The following KIAA0513 variants were observed in gnomAD, a reference collection of about 807,000 sequenced individuals.
KIAA0513 encodes the protein KIAA0513.
A neutral mutation model predicts 56.5 loss-of-function variants in KIAA0513; 39 were observed. The observed-to-expected ratio is 0.69, with a 90% CI of 0.53 to 0.90. KIAA0513 has a LOEUF of 0.90. KIAA0513 is among the 40% of genes least tolerant of loss of function. The pLI is 0.00. For missense variants in KIAA0513, 591 were observed against 535.2 expected, an observed-to-expected ratio of 1.10 and a Z score of -1.03; for synonymous variants, 268 against 215.6, an observed-to-expected ratio of 1.24 and a Z score of -2.13.
chr16:85,043,401 A>ATTTT (rs761248323), intron 1 of KIAA0513, among the ~76,000 whole-genome samples: 6 of 77,920 alleles, frequency 7.7e-5, no homozygotes, highest in African/African-American at 1.1e-4. Context: ...TGCTTCTTGG[A>ATTTT]TTTTTTTTTT....
chr16:85,068,195 T>C (rs2073517609), intron 2 of KIAA0513, among the ~76,000 whole-genome samples: 1 of 142,878 alleles, frequency 7.0e-6, no homozygotes, highest in Admixed American at 6.9e-5. Context: ...CTCACACTGT[T>C]GCCCAGGCTG....
At chr16:85,085,727 G>A (rs2073800421) in intron 10 of KIAA0513, among the ~76,000 whole-genome samples, 1 of 152,220 alleles carries the variant, frequency 6.6e-6, no homozygotes, top group Non-Finnish European at 1.5e-5. Flanking sequence ...CCCTGGACAG[G>A]TGAGGGATTA....
chr16:85,075,758 G>A, intron 4 of KIAA0513, 86 bp from the exon 5 acceptor site: 1 of 1,136,506 alleles, frequency 8.8e-7, no homozygotes, highest in Non-Finnish European at 1.3e-6. Context: ...GGACGCATGT[G>A]TCAAGTGTCT....
Position 85,036,898 on chromosome 16 carries a change from A to G in KIAA0513, c.-173+9040A>G, listed in dbSNP as rs1481217928. Among the ~76,000 whole-genome samples, 3 of 152,166 alleles carry G rather than the reference A, an allele frequency of 2.0e-5. No homozygotes were observed. The South Asian group carries it at 6.2e-4, about 32-fold the overall frequency. The stretch of plus-strand genomic sequence containing the variant: ...GTGTGTCTGAGGCCCGCCTTGCTCA[A>G]TAGAGGAAGAACCTGACTTGAGAAA... On this transcript the variant is annotated intron_variant, in intron 1 of 12. Coordinates refer to ENST00000683363, the MANE Select transcript of KIAA0513 (RefSeq NM_001388359.1).
chr16:85,083,643 G>A (rs1190434036), intron 10 of KIAA0513, among the ~76,000 whole-genome samples: 1 of 152,204 alleles, frequency 6.6e-6, no homozygotes, highest in Non-Finnish European at 1.5e-5. Context: ...GAGCTCAGCT[G>A]AGGGGACAGC....
At chr16:85,073,083 C>T in intron 4 of KIAA0513, 85 bp downstream of exon 4, 2 of 1,149,424 alleles carry the variant, frequency 1.7e-6, no homozygotes, top group Non-Finnish European at 2.6e-6. Flanking sequence ...CGTGTCATAA[C>T]CCAGCTGTGA....
rs7199966 is a variant in KIAA0513 at position 85,093,055 on chromosome 16, C to G, written c.*4730C>G. 1 allele frequency: 152,135 copies of G among 152,514 alleles called. 75,879 individuals carry two copies. The highest frequency in any genetic ancestry group is 1 in the Middle Eastern group (298 of 298). The allele number at this position is 152,514 out of a possible 1,614,324, so 9.4% of individuals were successfully genotyped here. On this transcript the variant is annotated 3_prime_UTR_variant, in exon 13 of 13. Coordinates refer to ENST00000683363, the MANE Select transcript of KIAA0513 (RefSeq NM_001388359.1). ...CTCCAGGAAAGGGACGGAATCAATC[C>G]TGTGACCGATGGGCTCGCAAGGATG...
rs1419167973 is a variant in KIAA0513, at chr16:85,091,837, A to G, written c.*3512A>G. 2.0e-5 allele frequency: 3 copies of G among 152,234 alleles called. No homozygotes were observed. Among genetic ancestry groups the G allele is most frequent in the Non-Finnish European group, 4.4e-5 (3 of 68,076 alleles). 9.4% of individuals were successfully genotyped at this position (152,234 alleles called of 1,614,324 possible). On this transcript the variant is annotated 3_prime_UTR_variant, in exon 13 of 13. Transcript: ENST00000683363. ...CATGAGGAATGCAGGTTCACACTGT[A>G]AAGAGTTTGTGAAAGGTTTCAGTCT... is the stretch of plus-strand genomic sequence containing the variant.
In KIAA0513 at chr16:85,089,018, T is replaced by G. The variant is rs950810003; in HGVS notation, c.*693T>G. 1 of 152,278 alleles carries G rather than the reference T, an allele frequency of 6.6e-6. No homozygotes were observed. The highest frequency in any genetic ancestry group is 2.4e-5 in the African/African-American group (1 of 41,422). The allele number at this position is 152,278 out of a possible 1,614,324, so 9.4% of individuals were successfully genotyped here. A position where few individuals can be genotyped will look rare whatever the true frequency, so the allele number is the denominator to read the frequency against. On this transcript the variant is annotated 3_prime_UTR_variant, in exon 13 of 13. Coordinates refer to ENST00000683363, the MANE Select transcript of KIAA0513 (RefSeq NM_001388359.1). The surrounding 1 kb of genome is among the most constrained non-coding windows in gnomAD (Gnocchi z 4.2). ...GTGCCTGCAGACGGCCCGGGAGCTG[T>G]GTGTCTCCGCCAGAGTCACAGCAGT...
Position 85,086,650 on chromosome 16 carries a change from G to A in KIAA0513, c.1017G>A (p.Lys339=). The change falls in exon 11 of 13, where the codon AAG becomes AAA. Residue 339 remains lysine (K), a synonymous_variant. Transcript: ENST00000683363. ...TCACCTCCTGTGCTTGCAGGGAGAA[G>A]TGGTGCCACATGACCCAGGAGGAGC... ...DAGEEEEKRE[K]WCHMTQEERD... is the part of the protein sequence containing the mutation. 2 of 1,613,856 alleles carry A rather than the reference G, an allele frequency of 1.2e-6. No individual in the cohort carries two copies. Among genetic ancestry groups the A allele is most frequent in the Non-Finnish European group, 1.7e-6 (2 of 1,179,996 alleles).
In KIAA0513 at chr16:85,081,784, G is replaced by A. The variant is rs138208770; in HGVS notation, c.980+392G>A. On this transcript the variant is annotated intron_variant, in intron 9 of 12. Coordinates refer to ENST00000683363, the MANE Select transcript of KIAA0513 (RefSeq NM_001388359.1). The surrounding 1 kb of genome is among the most constrained non-coding windows in gnomAD (Gnocchi z 4.4). ...GGCCACCATCCCCGAGACTGCCCTC[G>A]AGAGCTGGCGCCTGGGGAATGCAGT... 2.2e-3 allele frequency among the ~76,000 whole-genome samples: 338 copies of A among 152,314 alleles called. 1 individual carries two copies. Among genetic ancestry groups the A allele is most frequent in the African/African-American group, 7.7e-3 (321 of 41,560 alleles).
In KIAA0513 at chr16:85,038,595, C is replaced by G. The variant is rs569795143; in HGVS notation, c.-173+10737C>G. On this transcript the variant is annotated intron_variant, in intron 1 of 12. Transcript: ENST00000683363. ...TGGTGGTGGGCACCTGTAATCCCAG[C>G]TACACGGGAGGCTGAGGCAGGAGAA... 1.3e-4 allele frequency among the ~76,000 whole-genome samples: 20 copies of G among 151,636 alleles called. No homozygotes were observed. The South Asian group carries it at 4.0e-3, about 30-fold the overall frequency.
intron 1 of KIAA0513, among the ~76,000 whole-genome samples, chr16:85,048,582 T>C (rs904307810): frequency 6.6e-6 from 1 of 152,164 alleles, no homozygotes; most frequent in Non-Finnish European, 1.5e-5. Context: ...CTGGCTCTGT[T>C]AAAAGACTTT....
At chr16:85,037,416 G>A (rs562478825) in intron 1 of KIAA0513, among the ~76,000 whole-genome samples, 2 of 152,282 alleles carry the variant, frequency 1.3e-5, no homozygotes, top group African/African-American at 4.8e-5. Context: ...CTGAAAGGAG[G>A]GGTGGAAGCC....
intron 1 of KIAA0513, among the ~76,000 whole-genome samples, chr16:85,054,697 T>C (rs1345871415): frequency 6.6e-6 from 1 of 152,146 alleles, no homozygotes; most frequent in African/African-American, 2.4e-5. Flanking sequence ...CCCACAGTTC[T>C]GGGATTACAG....
chr16:85,063,669 C>T (rs1226887311), intron 1 of KIAA0513: 1 of 152,160 alleles, frequency 6.6e-6, no homozygotes, highest in Non-Finnish European at 1.5e-5. Flanking sequence ...TCCCTCTGAA[C>T]TGTGAGTGTT....
chr16:85,054,839 G>A (rs532957541), intron 1 of KIAA0513, among the ~76,000 whole-genome samples: 3 of 152,238 alleles, frequency 2.0e-5, no homozygotes, highest in South Asian at 4.1e-4. Flanking sequence ...AATGTTGTAC[G>A]TCCTGGCGCG....
chr16:85,064,393 G>A (rs2073449758), intron 1 of KIAA0513, among the ~76,000 whole-genome samples: 2 of 152,166 alleles, frequency 1.3e-5, no homozygotes, highest in African/African-American at 4.8e-5. Context: ...TTTTCTCTAT[G>A]TAAGTTTTTG....
intron 1 of KIAA0513, among the ~76,000 whole-genome samples, chr16:85,047,884 C>G (rs954447807): frequency 6.6e-6 from 1 of 152,182 alleles, no homozygotes; most frequent in African/African-American, 2.4e-5. Context: ...GTCTTCAACC[C>G]CCTTCTACCT....
Sources: allele counts gnomAD v4.1 joint callset (sites outside exome capture counted in the v4.1 genomes callset), GRCh38; gene constraint gnomAD v4.1.1; non-coding constraint Gnocchi (gnomAD v3.1); transcripts MANE v1.5; gene names NCBI Gene and HGNC (gene_info 2026-07-23, HGNC 2026-07-21).